Variants in STARD13 observed in about 807,000 individuals in gnomAD.
The protein encoded by STARD13 is StAR related lipid transfer domain containing 13.
A neutral mutation model predicts 106.4 loss-of-function variants in STARD13; 62 were observed. The observed-to-expected ratio is 0.58, with a 90% CI of 0.48 to 0.72. The LOEUF (loss-of-function observed/expected upper bound fraction) is 0.72, where lower values mean the gene tolerates loss of function less well. STARD13 is among the 30% of genes least tolerant of loss of function. The pLI, the probability that STARD13 is intolerant of heterozygous loss-of-function variation, is 0.00. For synonymous variants in STARD13, 565 were observed against 553.0 expected, an observed-to-expected ratio of 1.02 and a Z score of -0.31; for missense variants, 1,387 against 1,424.0, an observed-to-expected ratio of 0.97 and a Z score of 0.42.
intron 4 of STARD13, 126 bp downstream of exon 4, chr13:33,142,184 T>TGCC: frequency 1.3e-6 from 1 of 743,808 alleles, no homozygotes; most frequent in Non-Finnish European, 2.2e-6. Context: ...CAAGCCACTG[T>TGCC]GCCCAGCTAA....
At chr13:33,114,508 C>G (rs1269558352) in intron 8 of STARD13, among the ~76,000 whole-genome samples, 1 of 152,144 alleles carries the variant, frequency 6.6e-6, no homozygotes, top group African/African-American at 2.4e-5. Context: ...CAGAGAAGAG[C>G]CGTTTTGTTA....
chr13:33,547,651 T>G, the STARD13 span, among the ~76,000 whole-genome samples: 1 of 152,224 alleles, frequency 6.6e-6, no homozygotes, highest in Non-Finnish European at 1.5e-5. Flanking sequence ...TCTGCTGTGG[T>G]CATTTATGCC....
intron 3 of STARD13, among the ~76,000 whole-genome samples, chr13:33,156,531 A>G (rs1882008593): frequency 6.6e-6 from 1 of 152,198 alleles, no homozygotes; most frequent in African/African-American, 2.4e-5. Context: ...AAAAACTAAA[A>G]GTTCAAACAA....
chr13:33,257,802 C>T (rs1890441139), intron 1 of STARD13, among the ~76,000 whole-genome samples: 1 of 152,114 alleles, frequency 6.6e-6, no homozygotes, highest in African/African-American at 2.4e-5. Context: ...AAGAGGGTAA[C>T]AGAAACAAAG....
At chr13:33,115,943 T>C (rs1454776056) in intron 8 of STARD13, among the ~76,000 whole-genome samples, 1 of 152,232 alleles carries the variant, frequency 6.6e-6, no homozygotes, top group Non-Finnish European at 1.5e-5. Context: ...TCTGGAATTA[T>C]GTGAGATAAT....
intron 1 of STARD13, among the ~76,000 whole-genome samples, chr13:33,262,638 AC>A (rs750644449): frequency 0.017 from 952 of 56,210 alleles, 5 homozygotes; most frequent in Admixed American, 0.02. Context: ...CACACCCAGA[AC>A]CCCCCCCCCC....
At chr13:33,624,143 A>G in the STARD13 span, among the ~76,000 whole-genome samples, 1 of 152,256 alleles carries the variant, frequency 6.6e-6, no homozygotes, top group South Asian at 2.1e-4. Context: ...AGGCTTATTC[A>G]AGAATATTCA....
chr13:33,183,943 C>T (rs972537118), intron 1 of STARD13, among the ~76,000 whole-genome samples: 1 of 152,166 alleles, frequency 6.6e-6, no homozygotes, highest in African/African-American at 2.4e-5. Flanking sequence ...TTCAGTAATG[C>T]CTCCTTTCCC....
chr13:33,582,797 A>G, the STARD13 span, among the ~76,000 whole-genome samples: 2 of 152,242 alleles, frequency 1.3e-5, no homozygotes, highest in Admixed American at 6.5e-5. Context: ...AAAATTTTCA[A>G]CTAAGCTATG....
At chr13:33,174,901 ATGT>A (rs1223326189) in intron 1 of STARD13, among the ~76,000 whole-genome samples, 1 of 152,212 alleles carries the variant, frequency 6.6e-6, no homozygotes, top group Non-Finnish European at 1.5e-5. Context: ...ATTCCAAAAA[ATGT>A]TGTAAACAAT....
the STARD13 span, among the ~76,000 whole-genome samples, chr13:33,531,078 T>A: frequency 6.6e-6 from 1 of 152,132 alleles, no homozygotes; most frequent in African/African-American, 2.4e-5. Flanking sequence ...TCCTGTGCTA[T>A]TCCTGTAATA....
At chr13:33,632,885 A>G in the STARD13 span, among the ~76,000 whole-genome samples, 1 of 151,780 alleles carries the variant, frequency 6.6e-6, no homozygotes. Context: ...CACAGTGATC[A>G]TTCATGGAAC....
At chr13:33,391,241 C>T in the STARD13 span, among the ~76,000 whole-genome samples, 1 of 152,074 alleles carries the variant, frequency 6.6e-6, no homozygotes, top group African/African-American at 2.4e-5. Context: ...AAAAGCAGAG[C>T]CAACGATATT....
chr13:33,193,044 T>C (rs763476178), intron 1 of STARD13, among the ~76,000 whole-genome samples: 7 of 152,134 alleles, frequency 4.6e-5, no homozygotes, highest in Non-Finnish European at 1.0e-4. Flanking sequence ...CATAACTAAA[T>C]GGGAATAAGT....
the STARD13 span, among the ~76,000 whole-genome samples, chr13:33,491,611 T>G: frequency 6.6e-6 from 1 of 152,190 alleles, no homozygotes; most frequent in South Asian, 2.1e-4. Flanking sequence ...CAATCAAGGA[T>G]CTCTGTCTAA....
At chr13:33,462,503 G>A in the STARD13 span, among the ~76,000 whole-genome samples, 3 of 152,176 alleles carry the variant, frequency 2.0e-5, no homozygotes, top group Non-Finnish European at 4.4e-5. Context: ...CAAGCCCCAT[G>A]ATAGGCCGTC....
chr13:33,671,939 C>T, the STARD13 span, among the ~76,000 whole-genome samples: 1 of 152,114 alleles, frequency 6.6e-6, no homozygotes, highest in Non-Finnish European at 1.5e-5. Flanking sequence ...TTAGTTCAAC[C>T]ATTGTGGAAG....
the STARD13 span, among the ~76,000 whole-genome samples, chr13:33,518,301 T>G: frequency 6.6e-6 from 1 of 152,178 alleles, no homozygotes; most frequent in South Asian, 2.1e-4. Flanking sequence ...TGTTAAAGTA[T>G]AAATTTATCC....
the STARD13 span, among the ~76,000 whole-genome samples, chr13:33,450,148 C>CT: frequency 6.6e-6 from 1 of 152,104 alleles, no homozygotes; most frequent in African/African-American, 2.4e-5. Context: ...AAGTGGGCAC[C>CT]TTTGTCTTGT....
Sources: gnomAD v4.1 joint callset for allele counts (sites outside exome capture counted in the v4.1 genomes callset) on GRCh38, gnomAD v4.1.1 for gene constraint, MANE v1.5 for transcripts, NCBI Gene and HGNC (gene_info 2026-07-23, HGNC 2026-07-21) for gene names.